Variants in CDH18 observed in about 807,000 individuals in gnomAD.
CDH18 encodes the protein cadherin-18.
In CDH18, 31 loss-of-function variants were observed where a neutral mutation model predicts 67.9. The ratio of observed to expected loss-of-function variants is 0.46; its 90% CI spans 0.34 to 0.62. The LOEUF is 0.62. Among genes scored for constraint, CDH18 ranks in the 20% least tolerant of loss-of-function variants. CDH18 has a pLI of 0.01. For synonymous variants in CDH18, 362 were observed against 347.2 expected, an observed-to-expected ratio of 1.04 and a Z score of -0.48; for missense variants, 890 against 975.5, an observed-to-expected ratio of 0.91 and a Z score of 1.17.
At chr5:20,431,164 G>C (rs1748702022) in intron 1 of CDH18, among the ~76,000 whole-genome samples, 1 of 152,026 alleles carries the variant, frequency 6.6e-6, no homozygotes, top group Non-Finnish European at 1.5e-5. Context: ...AAGCACACTG[G>C]AGAAACAATT....
chr5:20,152,138 C>A (rs1406533376), intron 2 of CDH18, among the ~76,000 whole-genome samples: 3 of 142,228 alleles, frequency 2.1e-5, no homozygotes, highest in African/African-American at 5.1e-5. Flanking sequence ...ATATATTACA[C>A]AAATTATATA....
chr5:20,498,742 CAG>C, intron 1 of CDH18, among the ~76,000 whole-genome samples: 1 of 151,876 alleles, frequency 6.6e-6, no homozygotes, highest in East Asian at 1.9e-4. Flanking sequence ...AAATATCAAA[CAG>C]ATAATTAAAG....
At chr5:20,031,112 C>T (rs115242506) in intron 2 of CDH18, among the ~76,000 whole-genome samples, 112 of 152,166 alleles carry the variant, frequency 7.4e-4, no homozygotes, top group Non-Finnish European at 1.2e-3. Context: ...GCATGAACTG[C>T]GCCAGTGTTT....
chr5:19,937,531 T>C (rs1352565450), intron 2 of CDH18, among the ~76,000 whole-genome samples: 1 of 151,422 alleles, frequency 6.6e-6, no homozygotes, highest in Admixed American at 6.6e-5. Flanking sequence ...TGCAAATATG[T>C]TTTCTATAGC....
chr5:20,428,744 A>G, intron 1 of CDH18, among the ~76,000 whole-genome samples: 1 of 152,160 alleles, frequency 6.6e-6, no homozygotes, highest in South Asian at 2.1e-4. Context: ...GTTTTACAAT[A>G]AGACGTATAT....
chr5:19,769,141 A>C (rs1031153655), intron 3 of CDH18, among the ~76,000 whole-genome samples: 4 of 152,000 alleles, frequency 2.6e-5, no homozygotes, highest in Non-Finnish European at 5.9e-5. Context: ...CAGAAAGAAC[A>C]CTTGAAGATA....
intron 1 of CDH18, among the ~76,000 whole-genome samples, chr5:20,386,909 A>G (rs1351426692): frequency 6.6e-6 from 1 of 152,002 alleles, no homozygotes; most frequent in Non-Finnish European, 1.5e-5. Flanking sequence ...GTGTGTGGGT[A>G]TGTGTGTATA....
chr5:19,687,002 A>G (rs935283990), intron 5 of CDH18, among the ~76,000 whole-genome samples: 1 of 152,182 alleles, frequency 6.6e-6, no homozygotes, highest in Admixed American at 6.5e-5. Flanking sequence ...TAAGTAGAGT[A>G]TCTAAGAAGT....
At chr5:19,879,603 T>C (rs1393168362) in intron 2 of CDH18, among the ~76,000 whole-genome samples, 1 of 152,002 alleles carries the variant, frequency 6.6e-6, no homozygotes, top group African/African-American at 2.4e-5. Flanking sequence ...AAAGTATTCA[T>C]TAAAATAATT....
In CDH18 at chr5:20,367,918, C is replaced by T. The variant is rs933307119; in HGVS notation, c.-579-112413G>A. Reference sequence around the variant, plus strand: ...ACTCTACTTCCACATTACAATCAACCGGGAAGATTTTGAAATGCATTGATG... The same window carrying T: ...ACTCTACTTCCACATTACAATCAACTGGGAAGATTTTGAAATGCATTGATG... On this transcript the variant is annotated intron_variant, in intron 1 of 14. Transcript: ENST00000507958. Among the ~76,000 whole-genome samples the T allele has an allele frequency of 5.3e-5, 8 of 152,138 alleles. No homozygotes were observed. The East Asian group carries it at 7.7e-4, about 15-fold the overall frequency.
At chr5:19,861,290 G>GTTT (rs5866403) in intron 2 of CDH18, among the ~76,000 whole-genome samples, 1 of 150,702 alleles carries the variant, frequency 6.6e-6, no homozygotes, top group Admixed American at 6.6e-5. Flanking sequence ...GTACAGATGG[G>GTTT]TTTTTTTTTA....
At chr5:19,593,717 C>CTTCT (rs1745663926) in intron 6 of CDH18, among the ~76,000 whole-genome samples, 6 of 116,484 alleles carry the variant, frequency 5.2e-5, no homozygotes, top group African/African-American at 2.5e-4. Flanking sequence ...CCTTCTTCTT[C>CTTCT]TTCTTCTTCT....
At chr5:19,602,382 G>C (rs1041537967) in intron 6 of CDH18, among the ~76,000 whole-genome samples, 1 of 151,950 alleles carries the variant, frequency 6.6e-6, no homozygotes, top group African/African-American at 2.4e-5. Context: ...AAAAATGTGT[G>C]CACTGACAAT....
chr5:20,078,398 G>T (rs1252239881), intron 2 of CDH18, among the ~76,000 whole-genome samples: 1 of 151,940 alleles, frequency 6.6e-6, no homozygotes, highest in Non-Finnish European at 1.5e-5. Context: ...GGGTGGTAAA[G>T]GTTGCAGTAA....
At chr5:20,334,362 C>T (rs1013130157) in intron 1 of CDH18, among the ~76,000 whole-genome samples, 2 of 151,554 alleles carry the variant, frequency 1.3e-5, no homozygotes, top group Admixed American at 6.6e-5. Flanking sequence ...TGGTCTCGAT[C>T]TCCTGACCTC....
At chr5:20,423,909 T>G (rs987175856) in intron 1 of CDH18, among the ~76,000 whole-genome samples, 1 of 123,602 alleles carries the variant, frequency 8.1e-6, no homozygotes, top group African/African-American at 3.4e-5. Context: ...ATCGCGCCAC[T>G]GCACTCCAGC....
intron 12 of CDH18, among the ~76,000 whole-genome samples, chr5:19,482,818 A>G (rs1739693634): frequency 6.6e-6 from 1 of 152,166 alleles, no homozygotes; most frequent in Non-Finnish European, 1.5e-5. Context: ...ATTGTTATTA[A>G]TTAAAGTCCT....
chr5:19,839,603 G>A (rs1782048518), intron 2 of CDH18, among the ~76,000 whole-genome samples: 1 of 152,076 alleles, frequency 6.6e-6, no homozygotes, highest in Non-Finnish European at 1.5e-5. Flanking sequence ...AATCAAATAG[G>A]TACTTAAAGT....
At position 19,954,792 on chromosome 5, in the gene CDH18, C is replaced by T. The variant is rs554027272; in HGVS notation, c.-257+26268G>A. Among the ~76,000 whole-genome samples the T allele has an allele frequency of 7.2e-5, 11 of 151,732 alleles. No homozygotes were observed. The East Asian group carries it at 1.7e-3, about 24-fold the overall frequency. On this transcript the variant is annotated intron_variant, in intron 2 of 12. Coordinates refer to ENST00000382275, the MANE Select transcript of CDH18 (RefSeq NM_004934.5). ...CATACACAATGCATTCACAAACATA[C>T]ATTTCAAACTTACGTCAACCCAAAC...
Sources: gnomAD v4.1 joint callset for allele counts (sites outside exome capture counted in the v4.1 genomes callset) on GRCh38, gnomAD v4.1.1 for gene constraint, MANE v1.5 for transcripts, NCBI Gene and HGNC (gene_info 2026-07-23, HGNC 2026-07-21) for gene names.